The following CC2D1A variants were observed in gnomAD, a reference collection of about 807,000 sequenced individuals.
The protein encoded by CC2D1A is coiled-coil and C2 domain-containing protein 1A.
Under a neutral mutation model 123.8 loss-of-function variants are expected in CC2D1A, and 68 were observed. The ratio of observed to expected loss-of-function variants is 0.55; its 90% CI spans 0.45 to 0.67. The LOEUF is 0.67. Among genes scored for constraint, CC2D1A ranks in the 30% least tolerant of loss-of-function variants. The pLI, the probability that CC2D1A is intolerant of heterozygous loss-of-function variation, is 0.00. For synonymous variants in CC2D1A, 477 were observed against 528.0 expected (o/e 0.90, Z 1.32); for missense variants, 1,185 against 1,290.3 (o/e 0.92, Z 1.25).
intron 12 of CC2D1A, chr19:13,920,274 A>T: frequency 2.0e-6 from 1 of 496,596 alleles, no homozygotes; most frequent in Middle Eastern, 5.3e-4. Flanking sequence ...AAAAAAAAAA[A>T]GTGTTTGGTG....
In CC2D1A at chr19:13,912,584, T is replaced by G. The variant is rs1163135036; in HGVS notation, c.369T>G (p.Pro123=). Residue 123 remains proline (P), a synonymous_variant, in exon 4 of 29, where the codon CCT becomes CCG. Coordinates refer to ENST00000318003, the MANE Select transcript of CC2D1A (RefSeq NM_017721.5). ...EEQKASETPP[P]VAQPKPEAPH... ...AGAAGGCTTCAGAGACCCCACCTCC[T>G]GTGGCCCAGGTACAGTTTGGATGAC... is the stretch of plus-strand genomic sequence containing the variant. 2 of 1,614,022 alleles carry G rather than the reference T, an allele frequency of 1.2e-6. No homozygotes were observed. Among genetic ancestry groups the G allele is most frequent in the East Asian group, 2.2e-5 (1 of 44,882 alleles).
chr19:13,930,644 G>A lies in CC2D1A; in HGVS notation c.*249G>A. 2 of 544,934 alleles carry A rather than the reference G, an allele frequency of 3.7e-6. No homozygotes were observed. The highest frequency in any genetic ancestry group is 6.4e-6 in the Non-Finnish European group (2 of 310,676). 33.8% of individuals were successfully genotyped at this position (544,934 alleles called of 1,614,324 possible). On this transcript the variant is annotated 3_prime_UTR_variant, in exon 29 of 29. Coordinates refer to ENST00000318003, the MANE Select transcript of CC2D1A (RefSeq NM_017721.5). This position sits in a 1 kb window ranked among gnomAD's most constrained non-coding sequence, Gnocchi z 6.8. The stretch of plus-strand genomic sequence containing the variant: ...TGGAGAGTCCTGTTTGCACAGCCCA[G>A]GGGTGTCCGGCCTCTGGCCCGCCCC...
In CC2D1A at chr19:13,906,416, G is replaced by A; in HGVS notation, c.-26G>A. On this transcript the variant is annotated 5_prime_UTR_variant, in exon 1 of 29. Transcript: ENST00000318003. This position sits in a 1 kb window ranked among gnomAD's most constrained non-coding sequence, Gnocchi z 4.1. ...CAGGGCAAGGCCGGGCTTGGGGGCA[G>A]GTGGTCCGGGCATCCAGCCTTGAAG... is the stretch of plus-strand genomic sequence containing the variant. The A allele has an allele frequency of 6.6e-7, 1 of 1,507,330 alleles. No individual in the cohort carries two copies. Among genetic ancestry groups the A allele is most frequent in the Middle Eastern group, 1.8e-4 (1 of 5,460 alleles). 93.4% of individuals were successfully genotyped at this position (1,507,330 alleles called of 1,614,324 possible). A position where few individuals can be genotyped will look rare whatever the true frequency, so the allele number is the denominator to read the frequency against.
intron 2 of CC2D1A, among the ~76,000 whole-genome samples, chr19:13,910,605 C>T (rs924059684): frequency 6.6e-6 from 1 of 151,810 alleles, no homozygotes. Context: ...CCCAGGGCCC[C>T]CTCACACACA....
chr19:13,926,050 ATATATATG>A, intron 17 of CC2D1A, among the ~76,000 whole-genome samples: 1 of 124,784 alleles, frequency 8.0e-6, no homozygotes, highest in South Asian at 2.2e-4. Context: ...ATATACACGT[ATATATATG>A]TATATATACA....
intron 22 of CC2D1A, 22 bp downstream of exon 22, chr19:13,927,287 G>A (rs762935291): frequency 6.3e-6 from 10 of 1,580,578 alleles, no homozygotes; most frequent in East Asian, 2.2e-5. Context: ...ACATTCATCC[G>A]CGTGCTCCGG....
At position 13,923,803 on chromosome 19, in the gene CC2D1A, C is replaced by T. The variant is rs760708422; in HGVS notation, c.1932C>T (p.Ser644=). The part of the protein sequence containing the change: ...PTARFEQRTF[S]VIKIFPDLSS... ...CCCGCTTTGAGCAAAGGACCTTCAG[C>T]GTCATCAAGTAAGGCTCCTGATCTA... The change falls in exon 17 of 29, where the codon AGC becomes AGT. Residue 644 remains serine (S), a synonymous_variant. Transcript: ENST00000318003. This position sits in a 1 kb window ranked among gnomAD's most constrained non-coding sequence, Gnocchi z 5.3. 11 of 1,612,296 alleles carry T rather than the reference C, an allele frequency of 6.8e-6. No individual in the cohort carries two copies. The highest frequency in any genetic ancestry group is 2.2e-5 in the South Asian group (2 of 91,070).
Position 13,926,986 on chromosome 19 carries a change from G to A in CC2D1A, c.2134G>A (p.Glu712Lys), listed in dbSNP as rs1196490934. ...IKNTDSPEFK[E>K]QFKLCINRSH... Reference sequence around the variant, plus strand: ...CCTCCTTCCTCCTGCAGAGTTCAAGGAGCAGTTCAAACTCTGCATCAACCG... The same window carrying A: ...CCTCCTTCCTCCTGCAGAGTTCAAGAAGCAGTTCAAACTCTGCATCAACCG... Residue 712 changes from glutamate to lysine, a missense_variant, in exon 21 of 29, where the codon GAG becomes AAG. Coordinates refer to ENST00000318003, the MANE Select transcript of CC2D1A (RefSeq NM_017721.5). 3.1e-6 allele frequency: 5 copies of A among 1,613,774 alleles called. No individual in the cohort carries two copies. Among genetic ancestry groups the A allele is most frequent in the East Asian group, 2.2e-5 (1 of 44,872 alleles).
chr19:13,924,032 G>A (rs1179006637), intron 17 of CC2D1A, among the ~76,000 whole-genome samples: 3 of 152,076 alleles, frequency 2.0e-5, no homozygotes, highest in Non-Finnish European at 4.4e-5. Context: ...AAGATCTAGA[G>A]AGTGCAAAGG....
rs780240429 is a variant in CC2D1A at position 13,918,171 on chromosome 19, G to A, written c.850G>A (p.Ala284Thr). ...AKQQGDTTAA[A>T]RHFRVAKSFD... ...GCAGCAGGGAGATACCACTGCTGCC[G>A]CTAGACACTTCCGCGTGGCTAAGGT... The change falls in exon 7 of 29, where the codon GCT becomes ACT. Residue 284 changes from alanine (A) to threonine (T), a missense_variant. Coordinates refer to ENST00000318003, the MANE Select transcript of CC2D1A (RefSeq NM_017721.5). The A allele has an allele frequency of 2.2e-5, 36 of 1,602,776 alleles. No homozygotes were observed. The highest frequency in any genetic ancestry group is 6.9e-5 in the Admixed American group (4 of 57,850).
rs1315518981 is a variant in CC2D1A, at chr19:13,925,933, A to AAAATAT, written c.1941-583_1941-582insAATATA. 6.4e-4 allele frequency among the ~76,000 whole-genome samples: 58 copies of AAAATAT among 91,030 alleles called. 2 individuals carry two copies. Among genetic ancestry groups the AAAATAT allele is most frequent in the African/African-American group, 3.6e-3 (52 of 14,644 alleles). The allele number at this position is 91,030 out of a possible 152,430, so 59.7% of individuals were successfully genotyped here. A position where few individuals can be genotyped will look rare whatever the true frequency, so the allele number is the denominator to read the frequency against. ...AGACTCTGTCTAAAAAAAAAAAAAA[A>AAAATAT]ATATATATATATATATATATATATA... On this transcript the variant is annotated intron_variant, in intron 17 of 28. Coordinates refer to ENST00000318003, the MANE Select transcript of CC2D1A (RefSeq NM_017721.5).
Position 13,923,532 on chromosome 19 carries a change from C to A in CC2D1A, c.1765-16C>A, listed in dbSNP as rs2145350595. ...TCTCTTCCCTTCCCTCGACTCACTG[C>A]CTTCTGTTTCCCCAGATGTGCCTGA... On this transcript the variant is annotated splice_polypyrimidine_tract_variant and intron_variant, in intron 15 of 28. Coordinates refer to ENST00000318003, the MANE Select transcript of CC2D1A (RefSeq NM_017721.5). This position sits in a 1 kb window ranked among gnomAD's most constrained non-coding sequence, Gnocchi z 5.3. 6.2e-7 allele frequency: 1 copy of A among 1,614,142 alleles called. No homozygotes were observed. Among genetic ancestry groups the A allele is most frequent in the Non-Finnish European group, 8.5e-7 (1 of 1,180,020 alleles).
intron 8 of CC2D1A, 66 bp from the exon 9 acceptor site, chr19:13,918,680 G>T: frequency 6.3e-7 from 1 of 1,585,872 alleles, no homozygotes; most frequent in Non-Finnish European, 8.6e-7. Context: ...CCACCCTCAG[G>T]CCAGACCAGC....
chr19:13,919,818 G>T lies in CC2D1A; in HGVS notation c.1223G>T (p.Gly408Val). ...AACCAGGCCTCGACTGGCCACCCAGGCTTCCCCCCAATCCAGGGCCTGGAG... is the reference window on the plus strand; with the variant it reads ...AACCAGGCCTCGACTGGCCACCCAGTCTTCCCCCCAATCCAGGGCCTGGAG... ...VDVAELPVPP[G>V]FPPIQGLEAT... Residue 408 changes from glycine to valine, a missense_variant and splice_region_variant, in exon 12 of 29, where the codon GGC becomes GTC. Gly to Val is a moderately radical substitution (Grantham distance 109, BLOSUM62 -3). Coordinates refer to ENST00000318003, the MANE Select transcript of CC2D1A (RefSeq NM_017721.5). The T allele has an allele frequency of 1.3e-6, 2 of 1,596,336 alleles. No homozygotes were observed. Among genetic ancestry groups the T allele is most frequent in the Non-Finnish European group, 8.6e-7 (1 of 1,168,358 alleles).
At chr19:13,927,312 TC>T in intron 22 of CC2D1A, 47 bp downstream of exon 22, 1 of 1,466,066 alleles carries the variant, frequency 6.8e-7, no homozygotes, top group Non-Finnish European at 9.6e-7. Context: ...GCCATGCTAC[TC>T]GTTAACATTA....
intron 22 of CC2D1A, 131 bp downstream of exon 22, chr19:13,927,396 C>G: frequency 1.4e-6 from 1 of 709,262 alleles, no homozygotes; most frequent in Middle Eastern, 3.1e-4. Context: ...GAGCCTCAGA[C>G]CTCCCTACTG....
At chr19:13,910,149 A>G (rs1206413684) in intron 2 of CC2D1A, among the ~76,000 whole-genome samples, 191 bp downstream of exon 2, 1 of 151,828 alleles carries the variant, frequency 6.6e-6, no homozygotes, top group African/African-American at 2.4e-5. Flanking sequence ...CTGTAATCCC[A>G]GCACTTTGGG....
chr19:13,926,918 A>C, intron 20 of CC2D1A, 46 bp downstream of exon 20: 1 of 1,612,446 alleles, frequency 6.2e-7, no homozygotes, highest in Middle Eastern at 1.7e-4. Context: ...CTTGCAGCAG[A>C]AGGGACATAA....
Position 13,906,886 on chromosome 19 carries a change from GCCAGGGCTAAGCACAAAT to G in CC2D1A, c.60+394_60+411del, listed in dbSNP as rs1369152883. ...CAAGGTCATAGGGATTAACAGCTTG[GCCAGGGCTAAGCACAAAT>G]CCAGGGCTGCAGCCATAAGCTTATG... On this transcript the variant is annotated intron_variant, in intron 1 of 28. Coordinates refer to ENST00000318003, the MANE Select transcript of CC2D1A (RefSeq NM_017721.5). The surrounding 1 kb of genome is among the most constrained non-coding windows in gnomAD (Gnocchi z 4.1). Among the ~76,000 whole-genome samples, 1 of 152,174 alleles carries G rather than the reference GCCAGGGCTAAGCACAAAT, an allele frequency of 6.6e-6. No homozygotes were observed. The highest frequency in any genetic ancestry group is 1.5e-5 in the Non-Finnish European group (1 of 68,032).
Sources: gnomAD v4.1 joint callset for allele counts (sites outside exome capture counted in the v4.1 genomes callset) on GRCh38, gnomAD v4.1.1 for gene constraint, Gnocchi (gnomAD v3.1) non-coding constraint, MANE v1.5 for transcripts, NCBI Gene and HGNC (gene_info 2026-07-23, HGNC 2026-07-21) for gene names.